ZNF875: variants seen among roughly 807,000 people sequenced by gnomAD.
The protein encoded by ZNF875 is zinc finger protein 875, also known as HKR1, GLI-Kruppel zinc finger family member.
ZNF875 carries 14 observed loss-of-function variants against 11.2 expected under a neutral mutation model. The ratio of observed to expected loss-of-function variants is 1.26; its 90% CI spans 0.83 to 1.96. The LOEUF (loss-of-function observed/expected upper bound fraction) is 1.96. Ranked by LOEUF, ZNF875 falls within the 30% of genes most tolerant of loss-of-function variation. The pLI is 0.00. For missense variants in ZNF875, 752 were observed against 760.4 expected (o/e 0.99, Z 0.13); for synonymous variants, 301 against 281.1 (o/e 1.07, Z -0.71).
intron 4 of ZNF875, among the ~76,000 whole-genome samples, chr19:37,349,963 C>T (rs1272550009): frequency 9.9e-6 from 1 of 101,426 alleles, no homozygotes; most frequent in African/African-American, 4.7e-5. Flanking sequence ...CCCCCACTGG[C>T]CTTTTTTTTT....
intron 4 of ZNF875, among the ~76,000 whole-genome samples, chr19:37,350,077 G>A (rs1327351864): frequency 7.5e-6 from 1 of 134,084 alleles, no homozygotes; most frequent in African/African-American, 2.9e-5. Context: ...GATTACAGAC[G>A]TGAGCCACCA....
At chr19:37,313,878 G>A (rs2030068292), upstream of ZNF875, among the ~76,000 whole-genome samples, 1 of 151,880 alleles carries the variant, frequency 6.6e-6, no homozygotes, top group Admixed American at 6.6e-5. Flanking sequence ...CTTACTCCAG[G>A]CAGTGTGAAT....
chr19:37,353,249 C>T (rs1327876526), intron 4 of ZNF875, among the ~76,000 whole-genome samples: 2 of 152,068 alleles, frequency 1.3e-5, no homozygotes, highest in Non-Finnish European at 2.9e-5. Context: ...ATGACTTTTC[C>T]AGGGCTTACA....
Position 37,363,091 on chromosome 19 carries a change from A to G in ZNF875, c.1239A>G (p.Leu413=), listed in dbSNP as rs747369446. ...AGAAGTCACACCTCATCAGACACTTAAGGACACACACAGGAGAGAAGCCTT... is the reference window on the plus strand; with the variant it reads ...AGAAGTCACACCTCATCAGACACTTGAGGACACACACAGGAGAGAAGCCTT... ...FSQKSHLIRH[L]RTHTGEKPYV... is the part of the protein sequence containing the mutation. The change falls in exon 5 of 5, where the codon TTA becomes TTG. Residue 413 remains leucine, a synonymous_variant. Coordinates refer to ENST00000392153, the MANE Select transcript of ZNF875 (RefSeq NM_001353803.2). 5.0e-6 allele frequency: 8 copies of G among 1,612,914 alleles called. No individual in the cohort carries two copies. The highest frequency in any genetic ancestry group is 6.8e-6 in the Non-Finnish European group (8 of 1,179,694).
At chr19:37,334,418 C>T (rs1238537685), upstream of ZNF875, among the ~76,000 whole-genome samples, 1 of 152,226 alleles carries the variant, frequency 6.6e-6, no homozygotes, top group African/African-American at 2.4e-5. Flanking sequence ...GATGCCTTCG[C>T]GGTCAGCAGA....
chr19:37,332,924 G>C (rs1243881320), upstream of ZNF875, among the ~76,000 whole-genome samples: 1 of 152,168 alleles, frequency 6.6e-6, no homozygotes, highest in South Asian at 2.1e-4. Flanking sequence ...TAACTCAGGT[G>C]AGAGTGTATC....
intron 2 of ZNF875, among the ~76,000 whole-genome samples, chr19:37,342,726 A>C (rs934971066): frequency 7.2e-5 from 11 of 152,164 alleles, no homozygotes; most frequent in African/African-American, 2.4e-4. Context: ...TGAAACTTTT[A>C]ACAGGCTTTT....
At chr19:37,315,309 G>A (rs996004969), upstream of ZNF875, 39 of 152,212 alleles carry the variant, frequency 2.6e-4, no homozygotes, top group African/African-American at 9.4e-4. Flanking sequence ...TCAAATAGAG[G>A]AAAAACCTGT....
intron 4 of ZNF875, among the ~76,000 whole-genome samples, chr19:37,359,191 A>T (rs1334096352): frequency 6.6e-6 from 1 of 151,650 alleles, no homozygotes; most frequent in African/African-American, 2.4e-5. Flanking sequence ...GAACCGCCGC[A>T]CCTGGCCTGT....
chr19:37,357,981 C>T (rs1471882325), intron 4 of ZNF875: 23 of 398,290 alleles, frequency 5.8e-5, no homozygotes, highest in Non-Finnish European at 8.4e-5. Context: ...TTTCAGCTTT[C>T]GCCCATTCAG....
rs1568677000 is a variant in ZNF875 at position 37,363,531 on chromosome 19, T to C, written c.1679T>C (p.Phe560Ser). The change falls in exon 5 of 5, where the codon TTT (phenylalanine) becomes TCT (serine). Residue 560 changes from phenylalanine (F) to serine (S), a missense_variant. Phe to Ser is a radical substitution (Grantham distance 155). Transcript: ENST00000392153. ...FRHKRAHSGAFVCRECGQGFC... is the reference protein window; with the variant it reads ...FRHKRAHSGASVCRECGQGFC... ...CACAAGAGGGCACACTCAGGTGCCTTTGTGTGCAGGGAGTGTGGGCAAGGC... is the reference window on the plus strand; with the variant it reads ...CACAAGAGGGCACACTCAGGTGCCTCTGTGTGCAGGGAGTGTGGGCAAGGC... 1 of 1,612,334 alleles carries C rather than the reference T, an allele frequency of 6.2e-7. No homozygotes were observed. The highest frequency in any genetic ancestry group is 8.5e-7 in the Non-Finnish European group (1 of 1,179,270).
chr19:37,328,708 C>A (rs965862476), intron 4 of ZNF875: 1 of 152,218 alleles, frequency 6.6e-6, no homozygotes, highest in African/African-American at 2.4e-5. Context: ...CACAAACAGA[C>A]TAAGACAGGG....
At chr19:37,344,949 A>G in intron 2 of ZNF875, 1 of 584,346 alleles carries the variant, frequency 1.7e-6, no homozygotes. Context: ...AATGATGAAC[A>G]GTTTCAGACA....
chr19:37,344,150 GAC>G (rs2036316388), intron 2 of ZNF875, among the ~76,000 whole-genome samples: 1 of 152,196 alleles, frequency 6.6e-6, no homozygotes, highest in African/African-American at 2.4e-5. Context: ...AGGAAATTGA[GAC>G]ACAGATATTA....
rs538287074 is a variant in ZNF875 at position 37,356,434 on chromosome 19, G to T, written c.257-5675G>T. Among the ~76,000 whole-genome samples the T allele has an allele frequency of 4.9e-4, 74 of 151,926 alleles. 1 individual carries two copies. The highest frequency in any genetic ancestry group is 6.5e-4 in the Admixed American group (10 of 15,270). Reference sequence around the variant, plus strand: ...CATCCTCACTAACATCTGTTTTTTTGTTTGTTTGTTTGTTTGTTTAACTTT... The same window carrying T: ...CATCCTCACTAACATCTGTTTTTTTTTTTGTTTGTTTGTTTGTTTAACTTT... On this transcript the variant is annotated intron_variant, in intron 4 of 4. Transcript: ENST00000392153.
chr19:37,355,381 G>A (rs2038719152), intron 4 of ZNF875, among the ~76,000 whole-genome samples: 1 of 152,082 alleles, frequency 6.6e-6, no homozygotes, highest in Admixed American at 6.5e-5. Flanking sequence ...GTAGAGACAG[G>A]GTTTCACCAT....
intron 4 of ZNF875, among the ~76,000 whole-genome samples, chr19:37,327,027 C>G (rs1211298594): frequency 6.6e-6 from 1 of 151,152 alleles, no homozygotes; most frequent in Admixed American, 6.6e-5. Flanking sequence ...AAGTCTTGCT[C>G]TGTCTCCCAG....
At chr19:37,323,160 C>CTT (rs34306276) in intron 2 of ZNF875, among the ~76,000 whole-genome samples, 23 of 145,576 alleles carry the variant, frequency 1.6e-4, no homozygotes, top group African/African-American at 4.6e-4. Context: ...CTGATATTTC[C>CTT]TTTTTTTTTT....
In ZNF875 at chr19:37,364,208, G is replaced by A. The variant is rs926373995; in HGVS notation, c.*433G>A. On this transcript the variant is annotated 3_prime_UTR_variant, in exon 5 of 5. Coordinates refer to ENST00000392153, the MANE Select transcript of ZNF875 (RefSeq NM_001353803.2). ...GATCCCAACCCTTCACCTATTTTAC[G>A]TATACCTGCCCTTTCCTAATTGGTT... 4 of 177,294 alleles carry A rather than the reference G, an allele frequency of 2.3e-5. No homozygotes were observed. Among genetic ancestry groups the A allele is most frequent in the Non-Finnish European group, 4.8e-5 (4 of 83,664 alleles). 11.0% of individuals were successfully genotyped at this position (177,294 alleles called of 1,614,324 possible).
Sources: gnomAD v4.1 joint callset for allele counts (sites outside exome capture counted in the v4.1 genomes callset) on GRCh38, gnomAD v4.1.1 for gene constraint, MANE v1.5 for transcripts, NCBI Gene and HGNC (gene_info 2026-07-23, HGNC 2026-07-21) for gene names.